Variants in SLC39A12 observed in about 807,000 individuals in gnomAD.
SLC39A12 encodes solute carrier family 39 member 12, also known as zinc transporter ZIP12.
SLC39A12 carries 63 observed loss-of-function variants against 71.1 expected under a neutral mutation model. The observed-to-expected ratio is 0.89, with a 90% confidence interval of 0.72 to 1.09. The LOEUF is 1.09. Ranked by LOEUF, SLC39A12 falls within the 50% of genes least tolerant of loss-of-function variation. The probability of loss-of-function intolerance (pLI) is 0.00; values close to 1 mark genes in which losing one functional copy is unlikely to be tolerated. For synonymous variants in SLC39A12, 351 were observed against 301.3 expected, an observed-to-expected ratio of 1.16 and a Z score of -1.71; for missense variants, 892 against 812.6, an observed-to-expected ratio of 1.10 and a Z score of -1.19.
intron 12 of SLC39A12, among the ~76,000 whole-genome samples, chr10:18,026,055 A>G (rs1836668399): frequency 6.6e-6 from 1 of 152,212 alleles, no homozygotes; most frequent in Non-Finnish European, 1.5e-5. Context: ...ATTGAATCCA[A>G]TATTGTAATT....
At chr10:18,017,455 C>T (rs1291404851) in intron 12 of SLC39A12, among the ~76,000 whole-genome samples, 6 of 152,134 alleles carry the variant, frequency 3.9e-5, no homozygotes, top group Non-Finnish European at 8.8e-5. Context: ...ATTACAGGTG[C>T]ATGCCACCAC....
chr10:17,986,343 C>A (rs966891932), intron 6 of SLC39A12, among the ~76,000 whole-genome samples: 1 of 152,178 alleles, frequency 6.6e-6, no homozygotes, highest in African/African-American at 2.4e-5. Flanking sequence ...TTAGTCCTTG[C>A]TGTAACAAAA....
intron 12 of SLC39A12, among the ~76,000 whole-genome samples, chr10:18,041,376 G>A (rs2130912231): frequency 6.6e-6 from 1 of 151,672 alleles, no homozygotes; most frequent in East Asian, 1.9e-4. Context: ...CATGCCTGTA[G>A]TCCTAGCTAC....
intron 2 of SLC39A12, among the ~76,000 whole-genome samples, chr10:17,958,183 G>A (rs1320935981): frequency 1.3e-5 from 2 of 152,146 alleles, no homozygotes; most frequent in East Asian, 3.9e-4. Flanking sequence ...AAGACACTGA[G>A]GAAGAATGAT....
chr10:18,009,658 A>C (rs538412588), intron 12 of SLC39A12: 3 of 152,278 alleles, frequency 2.0e-5, no homozygotes, highest in Non-Finnish European at 4.4e-5. Context: ...CAGTCAGAGC[A>C]ATTTACTTAT....
chr10:18,011,063 C>T (rs1391538080), intron 12 of SLC39A12, among the ~76,000 whole-genome samples: 1 of 152,052 alleles, frequency 6.6e-6, no homozygotes, highest in African/African-American at 2.4e-5. Flanking sequence ...CAGGCGCCCC[C>T]TCCAGGTATT....
At chr10:17,983,446 C>A (rs1835319433) in intron 6 of SLC39A12, among the ~76,000 whole-genome samples, 1 of 151,916 alleles carries the variant, frequency 6.6e-6, no homozygotes, top group South Asian at 2.1e-4. Context: ...TATGACAATG[C>A]CATTGCACTC....
At position 17,964,985 on chromosome 10, in the gene SLC39A12, A is replaced by G. The variant is rs183016949; in HGVS notation, c.544-498A>G. On this transcript the variant is annotated intron_variant, in intron 3 of 12. Coordinates refer to ENST00000377369, the MANE Select transcript of SLC39A12 (RefSeq NM_001145195.2). ...ACTTTGGGAGGCCAAGGCAGGTGGA[A>G]CACCTGAGGTCAGGAGTTCGAGACC... is the stretch of plus-strand genomic sequence containing the variant. 3.3e-3 allele frequency among the ~76,000 whole-genome samples: 500 copies of G among 152,216 alleles called. 4 individuals are homozygous for G. The highest frequency in any genetic ancestry group is 0.012 in the African/African-American group (485 of 41,540).
At chr10:17,965,396 A>G in intron 3 of SLC39A12, 87 bp from the exon 4 acceptor site, 2 of 1,188,890 alleles carry the variant, frequency 1.7e-6, no homozygotes, top group South Asian at 1.4e-5. Context: ...ACAATTCCTT[A>G]TCCCTTTAGG....
chr10:17,973,347 GATT>G (rs1015934360), intron 4 of SLC39A12, among the ~76,000 whole-genome samples: 1 of 152,058 alleles, frequency 6.6e-6, no homozygotes, highest in African/African-American at 2.4e-5. Context: ...ACCTTCAGGT[GATT>G]ATTATTATTT....
intron 12 of SLC39A12, among the ~76,000 whole-genome samples, chr10:18,034,788 G>A (rs544266772): frequency 6.7e-6 from 1 of 150,014 alleles, no homozygotes; most frequent in Non-Finnish European, 1.5e-5. Context: ...GCTGGTACCG[G>A]TTGTTCCTTT....
At chr10:18,006,270 T>G (rs979718840) in intron 12 of SLC39A12, among the ~76,000 whole-genome samples, 1 of 152,176 alleles carries the variant, frequency 6.6e-6, no homozygotes, top group African/African-American at 2.4e-5. Flanking sequence ...ATGAGGCCAT[T>G]AGCAATGAGG....
In SLC39A12 at chr10:18,042,739, C is replaced by T. The variant is rs1336319561; in HGVS notation, c.1982C>T (p.Pro661Leu). 1.2e-6 allele frequency: 2 copies of T among 1,612,316 alleles called. No individual in the cohort carries two copies. The highest frequency in any genetic ancestry group is 1.7e-6 in the Non-Finnish European group (2 of 1,179,298). ...PEMTHVQTQR[P>L]WMMFLLQNFG... ...ATGACTCATGTTCAAACACAACGAC[C>T]CTGGATGATGTTTCTCCTGCAAAAC... Residue 661 changes from proline to leucine, a missense_variant, in exon 13 of 13, where the codon CCC becomes CTC. Pro to Leu is a moderately conservative substitution (Grantham distance 98). Transcript: ENST00000377369.
chr10:17,959,216 G>T (rs896832809), intron 2 of SLC39A12, among the ~76,000 whole-genome samples: 1 of 151,990 alleles, frequency 6.6e-6, no homozygotes, highest in African/African-American at 2.4e-5. Flanking sequence ...AGCTACCAAG[G>T]TGTGGACTTT....
rs1223776810 is a variant in SLC39A12, at chr10:17,967,914, TA to T, written c.751+2225del. ...AAAAAAAAAAATATATATATATATA[TA>T]TATTTATTTATTTATTTCCCTCACA... On this transcript the variant is annotated intron_variant, in intron 4 of 12. Coordinates refer to ENST00000377369, the MANE Select transcript of SLC39A12 (RefSeq NM_001145195.2). 5.6e-3 allele frequency among the ~76,000 whole-genome samples: 832 copies of T among 147,654 alleles called. 3 individuals carry two copies. Among genetic ancestry groups the T allele is most frequent in the African/African-American group, 0.019 (756 of 40,512 alleles).
At chr10:17,991,531 G>A (rs1446290987) in intron 8 of SLC39A12, among the ~76,000 whole-genome samples, 8 of 152,098 alleles carry the variant, frequency 5.3e-5, no homozygotes, top group Admixed American at 1.3e-4. Context: ...AACCTTCATG[G>A]TTGGTTTAGG....
intron 7 of SLC39A12, among the ~76,000 whole-genome samples, chr10:17,988,576 C>T (rs969914311): frequency 6.6e-6 from 1 of 152,176 alleles, no homozygotes; most frequent in Non-Finnish European, 1.5e-5. Context: ...TATAGCAACA[C>T]AAAAATGGCC....
chr10:17,955,694 AT>A (rs1834527304), intron 2 of SLC39A12, among the ~76,000 whole-genome samples: 1 of 152,204 alleles, frequency 6.6e-6, no homozygotes. Flanking sequence ...AATGCTTCCA[AT>A]TTTACGTCTG....
intron 4 of SLC39A12, among the ~76,000 whole-genome samples, chr10:17,968,023 T>C (rs1394668309): frequency 6.6e-6 from 1 of 151,580 alleles, no homozygotes; most frequent in Admixed American, 6.6e-5. Flanking sequence ...TGAGGTCCTC[T>C]TTCATCTATC....
Sources: gnomAD v4.1 joint callset for allele counts (sites outside exome capture counted in the v4.1 genomes callset) on GRCh38, gnomAD v4.1.1 for gene constraint, MANE v1.5 for transcripts, NCBI Gene and HGNC (gene_info 2026-07-23, HGNC 2026-07-21) for gene names.